PCM1: variants seen among roughly 807,000 people sequenced by gnomAD.
PCM1 encodes pericentriolar material 1.
In PCM1, 157 loss-of-function variants were observed where a neutral mutation model predicts 241.9. The ratio of observed to expected loss-of-function variants is 0.65; its 90% CI spans 0.57 to 0.74. The LOEUF is 0.74. Ranked by LOEUF, PCM1 falls within the 30% of genes least tolerant of loss-of-function variation. PCM1 has a pLI of 0.00. For synonymous variants in PCM1, 1,085 were observed against 784.9 expected, an observed-to-expected ratio of 1.38 and a Z score of -6.39; for missense variants, 3,478 against 2,360.1, an observed-to-expected ratio of 1.47 and a Z score of -9.81.
chr8:17,932,907 T>C (rs1002128317), intron 2 of PCM1, among the ~76,000 whole-genome samples: 9 of 152,112 alleles, frequency 5.9e-5, no homozygotes, highest in African/African-American at 1.9e-4. Flanking sequence ...GCATCTGTTG[T>C]TTACTGTGAA....
rs202019194 is a variant in PCM1 at position 17,962,096 on chromosome 8, C to T, written c.2385C>T (p.Thr795=). ...AATATATGCCAGCTGTTACTTCAAC[C>T]CCAACTGTTAATCAACACGAGACCA... The part of the protein sequence containing the change: ...TKKYMPAVTS[T]PTVNQHETST... The change falls in exon 16 of 39, where the codon ACC becomes ACT. Residue 795 remains threonine, a synonymous_variant. Transcript: ENST00000325083. The T allele has an allele frequency of 6.2e-7, 1 of 1,611,604 alleles. No individual in the cohort carries two copies. The highest frequency in any genetic ancestry group is 2.2e-5 in the East Asian group (1 of 44,800).
At chr8:17,930,952 G>A (rs1257236815) in intron 2 of PCM1, among the ~76,000 whole-genome samples, 1 of 151,996 alleles carries the variant, frequency 6.6e-6, no homozygotes, top group African/African-American at 2.4e-5. Context: ...CTTTTTAAAG[G>A]CATACTAATG....
chr8:17,936,168 C>T (rs1303386396), intron 3 of PCM1, among the ~76,000 whole-genome samples: 1 of 152,116 alleles, frequency 6.6e-6, no homozygotes, highest in African/African-American at 2.4e-5. Context: ...GACTAGTTAC[C>T]TCTTAGTTCC....
In PCM1 at chr8:17,937,350, C is replaced by G. The variant is rs1182776922; in HGVS notation, c.313C>G (p.Gln105Glu). The G allele has an allele frequency of 1.9e-6, 3 of 1,602,984 alleles. No individual in the cohort carries two copies. The highest frequency in any genetic ancestry group is 4.5e-5 in the East Asian group (2 of 44,698). Residue 105 changes from glutamine to glutamate, a missense_variant, in exon 4 of 39, where the codon CAG (glutamine) becomes GAG (glutamate). Transcript: ENST00000325083. ...PEQAELEKLK[Q>E]RINFSDLDQR... is the part of the protein sequence containing the mutation. ...GCAGGCAGAATTAGAGAAACTGAAA[C>G]AGCGGATAAACTTCAGTGATTTAGA...
chr8:17,999,610 G>A (rs1236366659), intron 29 of PCM1, among the ~76,000 whole-genome samples: 1 of 152,142 alleles, frequency 6.6e-6, no homozygotes, highest in African/African-American at 2.4e-5. Flanking sequence ...GCTGCAGTCA[G>A]TGCTGCCTGG....
intron 7 of PCM1, among the ~76,000 whole-genome samples, chr8:17,947,781 C>T (rs2064384698): frequency 6.6e-6 from 1 of 152,152 alleles, no homozygotes; most frequent in South Asian, 2.1e-4. Context: ...TATAAAGTGT[C>T]TTTAACCTTC....
chr8:18,017,458 A>AGTT (rs2093334657), intron 36 of PCM1, among the ~76,000 whole-genome samples: 1 of 152,210 alleles, frequency 6.6e-6, no homozygotes, highest in Non-Finnish European at 1.5e-5. Flanking sequence ...GAAAAAAATC[A>AGTT]GTTTCTGTAA....
In PCM1 at chr8:18,014,811, A is replaced by C; in HGVS notation, c.5812A>C (p.Thr1938Pro). 6.2e-7 allele frequency: 1 copy of C among 1,603,326 alleles called. No homozygotes were observed. The highest frequency in any genetic ancestry group is 8.5e-7 in the Non-Finnish European group (1 of 1,177,798). ...PESSLAGSPD[T>P]ESPVLVNDYE... ...AAGCTCTCTGGCTGGAAGTCCTGATACTGAATCTCCAGTGTTAGTGAATGA... is the reference window on the plus strand; with the variant it reads ...AAGCTCTCTGGCTGGAAGTCCTGATCCTGAATCTCCAGTGTTAGTGAATGA... The change falls in exon 36 of 39, where the codon ACT becomes CCT. Residue 1938 changes from threonine to proline, a missense_variant. By Grantham distance (38) the Thr-to-Pro change is conservative. Transcript: ENST00000325083.
intron 13 of PCM1, 75 bp downstream of exon 13, chr8:17,957,850 T>C (rs2069355596): frequency 5.0e-6 from 5 of 1,001,052 alleles, no homozygotes; most frequent in Non-Finnish European, 7.5e-6. Context: ...GTATGATAAT[T>C]ACTTTGGTTT....
chr8:17,991,833 A>G, intron 28 of PCM1, 133 bp downstream of exon 28: 1 of 560,140 alleles, frequency 1.8e-6, no homozygotes, highest in Non-Finnish European at 3.0e-6. Context: ...CCCAGTGTGT[A>G]TTGTTTGATC....
intron 23 of PCM1, among the ~76,000 whole-genome samples, chr8:17,975,351 CG>C (rs1275511636): frequency 6.6e-6 from 1 of 151,928 alleles, no homozygotes; most frequent in Non-Finnish European, 1.5e-5. Context: ...TTAGTAGAGA[CG>C]GGGTTTCTCC....
At chr8:17,993,349 A>G (rs979918674) in intron 28 of PCM1, 134 bp from the exon 29 acceptor site, 7 of 527,264 alleles carry the variant, frequency 1.3e-5, no homozygotes, top group Admixed American at 4.2e-5. Context: ...GGGTGCTTAA[A>G]CTACAAACAT....
chr8:17,969,626 G>C lies in PCM1; in HGVS notation c.3462G>C (p.Gln1154His), dbSNP rs1338237247. The change falls in exon 22 of 39, where the codon CAG (glutamine) becomes CAC (histidine). Residue 1154 changes from glutamine (Q) to histidine (H), a missense_variant. Transcript: ENST00000325083. ...LFPSNFGDFS[Q>H]NISTPSEQQQ... is the part of the protein sequence containing the mutation. ...CTTCTAATTTTGGAGATTTTTCTCA[G>C]AATATCTCTACACCCAGTGAACAGC... The C allele has an allele frequency of 1.2e-6, 2 of 1,611,478 alleles. No homozygotes were observed. The highest frequency in any genetic ancestry group is 1.7e-5 in the Admixed American group (1 of 59,706).
At chr8:17,962,944 T>G (rs1041434994) in intron 16 of PCM1, 157 bp from the exon 17 acceptor site, 40 of 566,354 alleles carry the variant, frequency 7.1e-5, no homozygotes, top group African/African-American at 5.9e-4. Flanking sequence ...TAATCATAAC[T>G]ATATTATTAT....
rs766052616 is a variant in PCM1 at position 17,950,677 on chromosome 8, T to C, written c.1024T>C (p.Leu342=). The C allele has an allele frequency of 6.2e-7, 1 of 1,605,028 alleles. No individual in the cohort carries two copies. Among genetic ancestry groups the C allele is most frequent in the Admixed American group, 1.7e-5 (1 of 59,014 alleles). ...TATCACATCTGAACTAAATGAAGAA[T>C]TGAATGACTTAATTCAGCGTTTTCA... ...VSITSELNEE[L]NDLIQRFHNQ... The change falls in exon 8 of 39, where the codon TTG becomes CTG. Residue 342 remains leucine (L), a synonymous_variant. Coordinates refer to ENST00000325083, the MANE Select transcript of PCM1 (RefSeq NM_006197.4).
chr8:17,924,580 T>A (rs73580010), intron 1 of PCM1, 133 bp from the exon 2 acceptor site: 2 of 152,374 alleles, frequency 1.3e-5, no homozygotes, highest in Admixed American at 1.3e-4. Flanking sequence ...ATTTAAAATA[T>A]GAATAAGTTA....
At chr8:18,008,715 C>T (rs1313848088) in intron 30 of PCM1, among the ~76,000 whole-genome samples, 1 of 152,106 alleles carries the variant, frequency 6.6e-6, no homozygotes, top group East Asian at 1.9e-4. Flanking sequence ...GTCTTTTCTG[C>T]CCCCTGATCT....
chr8:17,924,918 C>T (rs399382), intron 2 of PCM1, 138 bp downstream of exon 2: 2 of 152,308 alleles, frequency 1.3e-5, no homozygotes, highest in East Asian at 3.9e-4. Context: ...GTTCACCGCC[C>T]TGTTTGCTCT....
intron 8 of PCM1, 51 bp downstream of exon 8, chr8:17,950,775 A>G (rs1388172588): frequency 5.0e-6 from 5 of 996,062 alleles, no homozygotes; most frequent in Non-Finnish European, 7.8e-6. Flanking sequence ...CATTAATTAG[A>G]ACAGTGATTC....
Sources: allele counts gnomAD v4.1 joint callset (sites outside exome capture counted in the v4.1 genomes callset), GRCh38; gene constraint gnomAD v4.1.1; transcripts MANE v1.5; gene names NCBI Gene and HGNC (gene_info 2026-07-23, HGNC 2026-07-21).